Variants in COL24A1 observed in about 807,000 individuals in gnomAD.
COL24A1 encodes the protein collagen type XXIV alpha 1 chain.
A neutral mutation model predicts 253.9 loss-of-function variants in COL24A1; 224 were observed. The ratio of observed to expected loss-of-function variants is 0.88; its 90% confidence interval spans 0.79 to 0.99. The LOEUF (loss-of-function observed/expected upper bound fraction) is 0.99. Among genes scored for constraint, COL24A1 ranks in the 50% least tolerant of loss-of-function variants. The pLI, the probability that COL24A1 is intolerant of heterozygous loss-of-function variation, is 0.00. For missense variants in COL24A1, 2,131 were observed against 2,068.5 expected, an observed-to-expected ratio of 1.03 and a Z score of -0.59; for synonymous variants, 685 against 673.7, an observed-to-expected ratio of 1.02 and a Z score of -0.26.
At chr1:85,851,675 A>G (rs1425735209) in intron 37 of COL24A1, among the ~76,000 whole-genome samples, 4 of 152,164 alleles carry the variant, frequency 2.6e-5, no homozygotes, top group African/African-American at 9.6e-5. Flanking sequence ...ATTGGTTATT[A>G]TGGAAAAACG....
At chr1:85,927,109 TA>T (rs1220906032) in intron 24 of COL24A1, among the ~76,000 whole-genome samples, 1 of 152,156 alleles carries the variant, frequency 6.6e-6, no homozygotes, top group African/African-American at 2.4e-5. Flanking sequence ...AGCTCCGGTC[TA>T]CAGCTCCCAG....
At chr1:85,986,913 C>A (rs1450216903) in intron 20 of COL24A1, among the ~76,000 whole-genome samples, 1 of 151,778 alleles carries the variant, frequency 6.6e-6, no homozygotes, top group East Asian at 1.9e-4. Context: ...GCTTACAGTG[C>A]CCATTCTACA....
At chr1:85,910,084 T>C in intron 25 of COL24A1, 81 bp from the exon 26 acceptor site, 2 of 1,110,576 alleles carry the variant, frequency 1.8e-6, no homozygotes, top group Non-Finnish European at 2.6e-6. Context: ...AAAGAAAAAC[T>C]GTCATCCAGA....
chr1:86,093,631 T>G (rs1305508149), intron 5 of COL24A1, among the ~76,000 whole-genome samples: 2 of 151,922 alleles, frequency 1.3e-5, no homozygotes, highest in African/African-American at 2.4e-5. Context: ...AAACAAAAAT[T>G]GACAAATGGG....
At chr1:85,997,485 T>C (rs1323832448) in intron 19 of COL24A1, among the ~76,000 whole-genome samples, 1 of 152,102 alleles carries the variant, frequency 6.6e-6, no homozygotes, top group Non-Finnish European at 1.5e-5. Context: ...TTGCAATTGA[T>C]TGAAAGATGA....
Position 85,744,697 on chromosome 1 carries a change from A to G in COL24A1, c.4641T>C (p.Asp1547=), listed in dbSNP as rs760312075. 2 of 1,609,282 alleles carry G rather than the reference A, an allele frequency of 1.2e-6. No homozygotes were observed. The highest frequency in any genetic ancestry group is 3.4e-5 in the Admixed American group (2 of 59,430). Residue 1547 remains aspartate (D), a synonymous_variant, in exon 57 of 60, where the codon GAT becomes GAC. Transcript: ENST00000370571. The stretch of plus-strand genomic sequence containing the variant: ...ATACTTTTTGTTCACAGTTAAGTAA[A>G]TCTTTGCAGATTCGTGCTGGGTTAT... The part of the protein sequence containing the change: ...TRDNPARICK[D]LLNCEQKVSD...
intron 3 of COL24A1, among the ~76,000 whole-genome samples, chr1:86,120,915 G>A (rs1323101884): frequency 6.6e-6 from 1 of 152,158 alleles, no homozygotes; most frequent in Non-Finnish European, 1.5e-5. Context: ...ATGATAGACT[G>A]CATTAAGAAA....
At chr1:85,938,767 CA>C (rs1251250790) in intron 24 of COL24A1, among the ~76,000 whole-genome samples, 1 of 121,038 alleles carries the variant, frequency 8.3e-6, no homozygotes, top group Non-Finnish European at 1.8e-5. Context: ...CCTTCTTGAC[CA>C]AAGGTACATA....
chr1:85,868,421 A>C, intron 37 of COL24A1, 98 bp downstream of exon 37: 1 of 742,990 alleles, frequency 1.3e-6, no homozygotes, highest in Non-Finnish European at 2.3e-6. Context: ...TATCCACTGG[A>C]TATATAAGGA....
intron 24 of COL24A1, among the ~76,000 whole-genome samples, chr1:85,929,748 G>A (rs1266577999): frequency 2.0e-5 from 3 of 147,896 alleles, no homozygotes; most frequent in Non-Finnish European, 4.5e-5. Flanking sequence ...AGACCACAGT[G>A]CAATCAAACT....
intron 29 of COL24A1, 84 bp from the exon 30 acceptor site, chr1:85,896,149 A>G: frequency 2.8e-6 from 4 of 1,405,212 alleles, no homozygotes; most frequent in South Asian, 2.5e-5. Context: ...ATACACTCAC[A>G]TACAAAAAAG....
chr1:86,134,158 T>C (rs1355207298), intron 2 of COL24A1, among the ~76,000 whole-genome samples: 4 of 151,694 alleles, frequency 2.6e-5, no homozygotes, highest in Non-Finnish European at 5.9e-5. Flanking sequence ...TAGTATTCTC[T>C]GATGGTAGTT....
chr1:85,811,352 G>A lies in COL24A1; in HGVS notation c.3951+5436C>T, dbSNP rs79159914. 5.9e-3 allele frequency among the ~76,000 whole-genome samples: 901 copies of A among 152,064 alleles called. 4 individuals are homozygous for A. Among genetic ancestry groups the A allele is most frequent in the African/African-American group, 0.021 (853 of 41,472 alleles). Reference sequence around the variant, plus strand: ...CTAGTCATCTTTTTACTATCTATATGTATCCCATAACTTCTTATTGTATAT... The same window carrying A: ...CTAGTCATCTTTTTACTATCTATATATATCCCATAACTTCTTATTGTATAT... On this transcript the variant is annotated intron_variant, in intron 47 of 59. Transcript: ENST00000370571.
chr1:85,895,097 C>T (rs1683538300), intron 31 of COL24A1, among the ~76,000 whole-genome samples: 1 of 152,006 alleles, frequency 6.6e-6, no homozygotes, highest in Non-Finnish European at 1.5e-5. Flanking sequence ...TATACTTAAG[C>T]TTATGTGCTC....
chr1:85,914,391 C>CTT (rs915540362), intron 24 of COL24A1, among the ~76,000 whole-genome samples: 5 of 115,780 alleles, frequency 4.3e-5, no homozygotes, highest in African/African-American at 3.2e-5. Flanking sequence ...TTTTTCTTTT[C>CTT]TTTTTTTTTT....
At chr1:85,995,943 A>C (rs1558940627) in intron 19 of COL24A1, among the ~76,000 whole-genome samples, 1 of 152,204 alleles carries the variant, frequency 6.6e-6, no homozygotes, top group Non-Finnish European at 1.5e-5. Flanking sequence ...TACAGCCTGC[A>C]TAACTGTGAG....
intron 1 of COL24A1, chr1:86,156,023 G>GAT (rs967081560): frequency 7.4e-6 from 2 of 269,978 alleles, no homozygotes; most frequent in African/African-American, 4.4e-5. Flanking sequence ...GAGCCAGAGA[G>GAT]ATCGTCGGAG....
At chr1:85,988,614 T>C (rs910714190) in intron 19 of COL24A1, among the ~76,000 whole-genome samples, 2 of 152,022 alleles carry the variant, frequency 1.3e-5, no homozygotes, top group Non-Finnish European at 2.9e-5. Flanking sequence ...AGTATAAGAA[T>C]CAGCATCTTT....
intron 12 of COL24A1, among the ~76,000 whole-genome samples, chr1:86,038,508 T>C (rs918757988): frequency 6.6e-6 from 1 of 152,012 alleles, no homozygotes; most frequent in Admixed American, 6.6e-5. Context: ...AGCCTAAACA[T>C]TATTAAACTG....
Sources: gnomAD v4.1 joint callset for allele counts (sites outside exome capture counted in the v4.1 genomes callset) on GRCh38, gnomAD v4.1.1 for gene constraint, MANE v1.5 for transcripts, NCBI Gene and HGNC (gene_info 2026-07-23, HGNC 2026-07-21) for gene names.